The following DLGAP2 variants were observed in gnomAD, a reference collection of about 807,000 sequenced individuals.
DLGAP2 encodes DLG associated protein 2, also known as disks large-associated protein 2.
A neutral mutation model predicts 100.3 loss-of-function variants in DLGAP2; 26 were observed. The observed-to-expected ratio is 0.26, with a 90% CI of 0.19 to 0.36. DLGAP2 has a LOEUF of 0.36. DLGAP2 is among the 10% of genes least tolerant of loss of function. The probability of loss-of-function intolerance (pLI) is 1.00; values close to 1 mark genes in which losing one functional copy is unlikely to be tolerated. For synonymous variants in DLGAP2, 886 were observed against 630.1 expected (o/e 1.41, Z -6.08); for missense variants, 1,858 against 1,453.2 (o/e 1.28, Z -4.53).
At chr8:1,417,646 G>GGGCC (rs1796947906) in intron 3 of DLGAP2, among the ~76,000 whole-genome samples, 1 of 147,238 alleles carries the variant, frequency 6.8e-6, no homozygotes, top group African/African-American at 2.6e-5. Flanking sequence ...GGGGCACGGG[G>GGGCC]AGCCCCACTC....
intron 1 of DLGAP2, among the ~76,000 whole-genome samples, chr8:895,079 G>A (rs1334336781): frequency 6.6e-6 from 1 of 151,290 alleles, no homozygotes; most frequent in Non-Finnish European, 1.5e-5. Context: ...GGGTGGGCTG[G>A]TGGGCTCTGG....
intron 3 of DLGAP2, among the ~76,000 whole-genome samples, chr8:1,335,941 G>A (rs13262053): frequency 0.16 from 24,346 of 151,946 alleles, 2,029 homozygotes; most frequent in Admixed American, 0.19. Context: ...GCGTGGTGAC[G>A]CGGGAGGCAT....
At chr8:752,161 C>T (rs1370834567) in intron 1 of DLGAP2, among the ~76,000 whole-genome samples, 2 of 152,214 alleles carry the variant, frequency 1.3e-5, no homozygotes, top group Non-Finnish European at 2.9e-5. Context: ...CTTCCCTGTG[C>T]TGAAATCATT....
rs893647958 is a variant in DLGAP2 at position 1,707,530 on chromosome 8, G to A, written c.*6124G>A. ...ACTTTTTAACTCGTTTGCTGAACTCGACAAGGCTTCCCCTTACGAGCAGTG... is the reference window on the plus strand; with the variant it reads ...ACTTTTTAACTCGTTTGCTGAACTCAACAAGGCTTCCCCTTACGAGCAGTG... On this transcript the variant is annotated 3_prime_UTR_variant, in exon 15 of 15. Coordinates refer to ENST00000637795, the MANE Select transcript of DLGAP2 (RefSeq NM_001346810.2). The A allele has an allele frequency of 1.3e-5, 2 of 152,076 alleles. No homozygotes were observed. The highest frequency in any genetic ancestry group is 2.4e-5 in the African/African-American group (1 of 41,392). The allele number at this position is 152,076 out of a possible 1,614,324, so 9.4% of individuals were successfully genotyped here.
intron 1 of DLGAP2, among the ~76,000 whole-genome samples, chr8:906,433 T>C (rs902085823): frequency 3.3e-5 from 5 of 152,090 alleles, no homozygotes; most frequent in African/African-American, 7.2e-5. Context: ...CTGAGGCCCT[T>C]TGGAAAGTGC....
intron 2 of DLGAP2, among the ~76,000 whole-genome samples, chr8:919,744 G>A (rs1002418206): frequency 1.4e-4 from 21 of 152,158 alleles, no homozygotes; most frequent in African/African-American, 2.9e-4. Context: ...GGCCGTGCTC[G>A]CCACCACCCG....
intron 2 of DLGAP2, among the ~76,000 whole-genome samples, chr8:1,060,859 G>A (rs558280484): frequency 2.0e-5 from 3 of 152,350 alleles, no homozygotes; most frequent in African/African-American, 7.2e-5. Context: ...GGATGCTGTT[G>A]AGGAAGAGGA....
At chr8:748,953 A>G (rs1020306939) in intron 1 of DLGAP2, among the ~76,000 whole-genome samples, 4 of 152,194 alleles carry the variant, frequency 2.6e-5, no homozygotes, top group Non-Finnish European at 4.4e-5. Flanking sequence ...CTCTCTCTGT[A>G]TCTGGTGGTA....
intron 2 of DLGAP2, among the ~76,000 whole-genome samples, chr8:954,548 A>T (rs555348364): frequency 1.3e-5 from 2 of 152,240 alleles, no homozygotes; most frequent in Admixed American, 6.5e-5. Context: ...AATGAACTGC[A>T]GCTTCATACA....
intron 1 of DLGAP2, among the ~76,000 whole-genome samples, chr8:839,890 C>T (rs1796949189): frequency 6.6e-6 from 1 of 152,232 alleles, no homozygotes; most frequent in African/African-American, 2.4e-5. Context: ...GGCCGTTTGG[C>T]CTGTACGTCT....
At chr8:1,631,336 G>A (rs1797640385) in intron 7 of DLGAP2, among the ~76,000 whole-genome samples, 2 of 152,114 alleles carry the variant, frequency 1.3e-5, no homozygotes, top group African/African-American at 4.8e-5. Context: ...CCACTGAGGT[G>A]TACTAGGGCC....
intron 3 of DLGAP2, among the ~76,000 whole-genome samples, chr8:1,330,819 G>T: frequency 6.9e-6 from 1 of 144,970 alleles, no homozygotes; most frequent in Non-Finnish European, 1.5e-5. Context: ...GTTCTGGGTG[G>T]GACTGAGTTC....
chr8:1,181,774 G>C (rs76260366), intron 2 of DLGAP2, among the ~76,000 whole-genome samples: 23,796 of 152,006 alleles, frequency 0.16, 4,211 homozygotes, highest in African/African-American at 0.44. Context: ...GGCTGGGCTA[G>C]GGATTGATGG....
chr8:1,524,829 T>G (rs939609188), intron 4 of DLGAP2, among the ~76,000 whole-genome samples: 1 of 152,170 alleles, frequency 6.6e-6, no homozygotes, highest in African/African-American at 2.4e-5. Flanking sequence ...TGCATCACTC[T>G]TACCACCCGT....
chr8:775,522 C>A (rs1410423225), intron 1 of DLGAP2, among the ~76,000 whole-genome samples: 3 of 129,864 alleles, frequency 2.3e-5, no homozygotes, highest in Non-Finnish European at 4.9e-5. Context: ...GAGATACGTC[C>A]CATCAATACC....
At chr8:1,413,963 A>T (rs1377036840) in intron 3 of DLGAP2, among the ~76,000 whole-genome samples, 1 of 152,190 alleles carries the variant, frequency 6.6e-6, no homozygotes, top group Admixed American at 6.5e-5. Flanking sequence ...CACTGAAGAC[A>T]CCATCAACAG....
intron 3 of DLGAP2, among the ~76,000 whole-genome samples, chr8:1,473,325 C>G (rs926042315): frequency 6.6e-6 from 1 of 152,216 alleles, no homozygotes; most frequent in South Asian, 2.1e-4. Context: ...AAGAAGGTTC[C>G]TCCGCCCAGC....
At chr8:738,096 C>A in intron 1 of DLGAP2, 1 of 235,450 alleles carries the variant, frequency 4.2e-6, no homozygotes, top group Non-Finnish European at 8.1e-6. Flanking sequence ...TCCGGGGGTG[C>A]GGGAGCGCAC....
intron 4 of DLGAP2, among the ~76,000 whole-genome samples, chr8:1,527,155 C>T (rs530130847): frequency 1.3e-5 from 2 of 152,384 alleles, no homozygotes; most frequent in South Asian, 4.1e-4. Context: ...CCAACCCTCT[C>T]CTGTGAGTTC....
Sources: gnomAD v4.1 joint callset for allele counts (sites outside exome capture counted in the v4.1 genomes callset) on GRCh38, gnomAD v4.1.1 for gene constraint, MANE v1.5 for transcripts, NCBI Gene and HGNC (gene_info 2026-07-23, HGNC 2026-07-21) for gene names.